ZNF541: variants seen among roughly 807,000 people sequenced by gnomAD.
The protein encoded by ZNF541 is zinc finger protein 541.
In ZNF541, 23 loss-of-function variants were observed where a neutral mutation model predicts 123.5. The ratio of observed to expected loss-of-function variants is 0.19; its 90% CI spans 0.13 to 0.26. The LOEUF is 0.26. Ranked by LOEUF, ZNF541 falls within the 10% of genes least tolerant of loss-of-function variation. The pLI is 1.00. For missense variants in ZNF541, 1,612 were observed against 1,789.9 expected, an observed-to-expected ratio of 0.90 and a Z score of 1.79; for synonymous variants, 751 against 754.5, an observed-to-expected ratio of 1.00 and a Z score of 0.08.
intron 14 of ZNF541, among the ~76,000 whole-genome samples, chr19:47,525,652 G>A (rs972974123): frequency 7.2e-5 from 11 of 152,234 alleles, no homozygotes; most frequent in African/African-American, 2.6e-4. Flanking sequence ...GGTGGCTCAC[G>A]CCTGTAATCC....
At chr19:47,522,085 C>T in intron 14 of ZNF541, 91 bp from the exon 15 acceptor site, 1 of 1,490,884 alleles carries the variant, frequency 6.7e-7, no homozygotes, top group African/African-American at 1.4e-5. Context: ...CTTTGGAAAG[C>T]CCTCCGGAAG....
In ZNF541 at chr19:47,540,907, A is replaced by C; in HGVS notation, c.2448T>G (p.Asn816Lys). The change falls in exon 6 of 17, where the codon AAT becomes AAG. Residue 816 changes from asparagine (N) to lysine (K), a missense_variant. Asn to Lys is a moderately conservative substitution (Grantham distance 94). Coordinates refer to ENST00000391901, the MANE Select transcript of ZNF541 (RefSeq NM_001277075.3). ...TCTTAACTTACCCTCTGCCTGCCAC[A>C]TTCTCTTCCTTCACCGGATGGGGGA... ...YRLPHPVKEE[N>K]VAGRGNQQNG... The C allele has an allele frequency of 6.4e-7, 1 of 1,551,286 alleles. No individual in the cohort carries two copies. Among genetic ancestry groups the C allele is most frequent in the African/African-American group, 1.4e-5 (1 of 73,154 alleles).
At position 47,521,707 on chromosome 19, in the gene ZNF541, G is replaced by A. The variant is rs557634728; in HGVS notation, c.3712-53C>T. 1 of 1,539,460 alleles carries A rather than the reference G, an allele frequency of 6.5e-7. No homozygotes were observed. Among genetic ancestry groups the A allele is most frequent in the African/African-American group, 1.4e-5 (1 of 72,800 alleles). On this transcript the variant is annotated intron_variant, in intron 15 of 16. Transcript: ENST00000391901. This position sits in a 1 kb window ranked among gnomAD's most constrained non-coding sequence, Gnocchi z 4.2. The stretch of plus-strand genomic sequence containing the variant: ...GGTGCTGACCTGTCCTGCTGTAAGA[G>A]AGACACAGAGCTGGGGGCATACGTG...
At position 47,530,741 on chromosome 19, in the gene ZNF541, C is replaced by T. The variant is rs150136973; in HGVS notation, c.3405+901G>A. 7.9e-3 allele frequency among the ~76,000 whole-genome samples: 1,196 copies of T among 152,216 alleles called. 10 individuals are homozygous for T. The highest frequency in any genetic ancestry group is 0.027 in the African/African-American group (1,137 of 41,530). ...GGCTCACTGCAACTGCACTCCACCT[C>T]CCAGGTTCAAGCAATTCTCCTGCCT... On this transcript the variant is annotated intron_variant, in intron 12 of 16. Coordinates refer to ENST00000391901, the MANE Select transcript of ZNF541 (RefSeq NM_001277075.3).
At chr19:47,546,274 G>A (rs1329729117) in intron 4 of ZNF541, among the ~76,000 whole-genome samples, 2 of 151,438 alleles carry the variant, frequency 1.3e-5, no homozygotes, top group Admixed American at 1.3e-4. Context: ...TTGGGAGGCC[G>A]AGGTGAGTGG....
At chr19:47,526,755 C>T (rs1969318366) in intron 14 of ZNF541, among the ~76,000 whole-genome samples, 1 of 152,188 alleles carries the variant, frequency 6.6e-6, no homozygotes, top group Non-Finnish European at 1.5e-5. Context: ...AATGATACAA[C>T]TACTTTGGAA....
At chr19:47,535,493 G>A (rs1407400609) in intron 9 of ZNF541, among the ~76,000 whole-genome samples, 1 of 152,204 alleles carries the variant, frequency 6.6e-6, no homozygotes, top group African/African-American at 2.4e-5. Flanking sequence ...TTCATATACT[G>A]CTACTGGAAA....
Position 47,535,286 on chromosome 19 carries a change from T to C in ZNF541, c.3095-2314A>G, listed in dbSNP as rs141931390. 3.7e-3 allele frequency among the ~76,000 whole-genome samples: 558 copies of C among 152,210 alleles called. 5 individuals carry two copies. Among genetic ancestry groups the C allele is most frequent in the African/African-American group, 0.013 (542 of 41,514 alleles). ...CAAAACTCTTACAGGGAAACAAGAG[T>C]GACTCTGCATGACTTGGGTCAGGCA... On this transcript the variant is annotated intron_variant, in intron 9 of 16. Transcript: ENST00000391901.
At chr19:47,538,037 C>A in intron 9 of ZNF541, 105 bp downstream of exon 9, 1 of 1,339,722 alleles carries the variant, frequency 7.5e-7, no homozygotes, top group South Asian at 1.4e-5. Context: ...CTAGGTACAC[C>A]CAGGCAGGAG....
At chr19:47,533,953 G>C (rs1969700789) in intron 9 of ZNF541, among the ~76,000 whole-genome samples, 1 of 152,196 alleles carries the variant, frequency 6.6e-6, no homozygotes, top group Non-Finnish European at 1.5e-5. Flanking sequence ...TTCTATTCCA[G>C]GTAGGTGCAG....
chr19:47,558,882 C>A (rs1970944954), intron 2 of ZNF541, among the ~76,000 whole-genome samples: 1 of 151,778 alleles, frequency 6.6e-6, no homozygotes, highest in South Asian at 2.1e-4. Flanking sequence ...GTAGCTGGGA[C>A]TACAGGTGCC....
chr19:47,540,923 G>C lies in ZNF541; in HGVS notation c.2432C>G (p.Pro811Arg), dbSNP rs1049986911. 58 of 1,550,970 alleles carry C rather than the reference G, an allele frequency of 3.7e-5. No individual in the cohort carries two copies. Among genetic ancestry groups the C allele is most frequent in the Non-Finnish European group, 5.1e-5 (58 of 1,146,806 alleles). ...QGGNIYRLPH[P>R]VKEENVAGRG... is the part of the protein sequence containing the mutation. Reference sequence around the variant, plus strand: ...GCCTGCCACATTCTCTTCCTTCACCGGATGGGGGAGCCTGTAGATGTTTCC... The same window carrying C: ...GCCTGCCACATTCTCTTCCTTCACCCGATGGGGGAGCCTGTAGATGTTTCC... The change falls in exon 6 of 17, where the codon CCG (proline) becomes CGG (arginine). Residue 811 changes from proline (P) to arginine (R), a missense_variant. This residue lies in a region of ZNF541 where 1,080 missense variants were observed against 1,013.8 expected (regional missense o/e 1.07). Coordinates refer to ENST00000391901, the MANE Select transcript of ZNF541 (RefSeq NM_001277075.3).
At position 47,540,209 on chromosome 19, in the gene ZNF541, C is replaced by A. The variant is rs1288057458; in HGVS notation, c.2589G>T (p.Gln863His). 6.4e-7 allele frequency: 1 copy of A among 1,551,500 alleles called. No individual in the cohort carries two copies. The highest frequency in any genetic ancestry group is 8.7e-7 in the Non-Finnish European group (1 of 1,147,002). ...LSSHMCFHSDQWPSPRGKQEP... is the reference protein window; with the variant it reads ...LSSHMCFHSDHWPSPRGKQEP... ...CCTGCTTCCCTCGAGGTGACGGCCA[C>A]TGGTCGCTGTGAAAACACATGTGGC... The change falls in exon 7 of 17, where the codon CAG becomes CAT. Residue 863 changes from glutamine to histidine, a missense_variant. Gln to His is a conservative substitution (Grantham distance 24). Transcript: ENST00000391901.
intron 2 of ZNF541, among the ~76,000 whole-genome samples, chr19:47,556,666 T>C (rs1424108451): frequency 1.3e-5 from 2 of 151,882 alleles, no homozygotes; most frequent in Non-Finnish European, 2.9e-5. Flanking sequence ...GAGTGTAAAA[T>C]ACAACCTGGA....
chr19:47,565,175 G>A (rs1038465435), intron 2 of ZNF541, among the ~76,000 whole-genome samples: 1 of 152,100 alleles, frequency 6.6e-6, no homozygotes, highest in African/African-American at 2.4e-5. Flanking sequence ...GGGAGGGGAT[G>A]AGGGATAAAA....
At position 47,545,844 on chromosome 19, in the gene ZNF541, C is replaced by G. The variant is rs1369646354; in HGVS notation, c.685G>C (p.Ala229Pro). 2 of 1,549,262 alleles carry G rather than the reference C, an allele frequency of 1.3e-6. No individual in the cohort carries two copies. The highest frequency in any genetic ancestry group is 1.2e-5 in the South Asian group (1 of 83,994). ...CCGCAGGCCTCTTCCTCCGGGGGGG[C>G]TTCCTTCAGGATGCACAGGCCGTGA... ...VHHGLCILKE[A>P]PPEEEACGDS... Residue 229 changes from alanine to proline, a missense_variant, in exon 5 of 17, where the codon GCC (alanine) becomes CCC (proline). Coordinates refer to ENST00000391901, the MANE Select transcript of ZNF541 (RefSeq NM_001277075.3). The surrounding 1 kb of genome is among the most constrained non-coding windows in gnomAD (Gnocchi z 7.5).
At chr19:47,524,601 A>G (rs866871622) in intron 14 of ZNF541, among the ~76,000 whole-genome samples, 1 of 151,558 alleles carries the variant, frequency 6.6e-6, no homozygotes, top group Non-Finnish European at 1.5e-5. Flanking sequence ...CCAGCTACTC[A>G]GGAGGCTGAG....
At position 47,521,704 on chromosome 19, in the gene ZNF541, A is replaced by G; in HGVS notation, c.3712-50T>C. 6 of 1,539,604 alleles carry G rather than the reference A, an allele frequency of 3.9e-6. No individual in the cohort carries two copies. The highest frequency in any genetic ancestry group is 3.5e-6 in the Non-Finnish European group (4 of 1,139,382). On this transcript the variant is annotated intron_variant, in intron 15 of 16. Transcript: ENST00000391901. This position sits in a 1 kb window ranked among gnomAD's most constrained non-coding sequence, Gnocchi z 4.2. ...AAGGGTGCTGACCTGTCCTGCTGTAAGAGAGACACAGAGCTGGGGGCATAC... is the reference window on the plus strand; with the variant it reads ...AAGGGTGCTGACCTGTCCTGCTGTAGGAGAGACACAGAGCTGGGGGCATAC...
chr19:47,569,338 T>C (rs751693549), intron 2 of ZNF541, among the ~76,000 whole-genome samples: 1 of 152,166 alleles, frequency 6.6e-6, no homozygotes, highest in Non-Finnish European at 1.5e-5. Flanking sequence ...TGTCATCGTA[T>C]TTAATTCCCA....
Sources: allele counts gnomAD v4.1 joint callset (sites outside exome capture counted in the v4.1 genomes callset), GRCh38; gene constraint gnomAD v4.1.1; regional missense constraint gnomAD v4.1.1; non-coding constraint Gnocchi (gnomAD v3.1); transcripts MANE v1.5; gene names NCBI Gene and HGNC (gene_info 2026-07-23, HGNC 2026-07-21).